RABGAP1: variants seen among roughly 807,000 people sequenced by gnomAD.
RABGAP1 encodes rab GTPase-activating protein 1.
RABGAP1 carries 23 observed loss-of-function variants against 137.6 expected under a neutral mutation model. The ratio of observed to expected loss-of-function variants is 0.17; its 90% CI spans 0.12 to 0.24. The LOEUF (loss-of-function observed/expected upper bound fraction) is 0.24. RABGAP1 is among the 10% of genes least tolerant of loss of function. The pLI is 1.00. For synonymous variants in RABGAP1, 451 were observed against 450.7 expected (o/e 1.00, Z -0.01); for missense variants, 906 against 1,275.8 (o/e 0.71, Z 4.42).
At chr9:123,031,847 C>G (rs1221769693) in intron 13 of RABGAP1, among the ~76,000 whole-genome samples, 3 of 152,192 alleles carry the variant, frequency 2.0e-5, no homozygotes, top group Non-Finnish European at 4.4e-5. Context: ...GTGTGACTAG[C>G]AGGCAAATTG....
At chr9:123,050,939 T>A (rs990024300) in intron 13 of RABGAP1, among the ~76,000 whole-genome samples, 8 of 151,740 alleles carry the variant, frequency 5.3e-5, no homozygotes, top group African/African-American at 1.2e-4. Flanking sequence ...AATAGCAGGG[T>A]TTTTTTTGTT....
chr9:123,084,673 G>T (rs764248757), intron 19 of RABGAP1, among the ~76,000 whole-genome samples: 9 of 152,302 alleles, frequency 5.9e-5, no homozygotes, highest in Admixed American at 2.0e-4. Context: ...TGTGTCTCTT[G>T]ATTCAGGACG....
intron 5 of RABGAP1, 58 bp downstream of exon 5, chr9:122,989,529 T>C (rs1265830831): frequency 1.3e-5 from 19 of 1,505,606 alleles, no homozygotes; most frequent in Non-Finnish European, 1.7e-5. Flanking sequence ...CCTCACTAGG[T>C]TGAAATGATT....
At chr9:123,041,791 A>G (rs2032965088) in intron 13 of RABGAP1, among the ~76,000 whole-genome samples, 2 of 152,222 alleles carry the variant, frequency 1.3e-5, no homozygotes, top group South Asian at 4.1e-4. Flanking sequence ...CACAGTAACT[A>G]CTTGGGAATT....
At chr9:123,062,323 A>G (rs1031357196) in intron 13 of RABGAP1, 6 of 152,220 alleles carry the variant, frequency 3.9e-5, no homozygotes, top group Admixed American at 1.3e-4. Context: ...TGCTTTGACT[A>G]TTTTGAAAAG....
intron 2 of RABGAP1, among the ~76,000 whole-genome samples, chr9:122,962,715 A>G (rs1479358760): frequency 2.6e-5 from 4 of 152,048 alleles, no homozygotes; most frequent in Non-Finnish European, 5.9e-5. Context: ...TAAAGTTGGC[A>G]CTCCTGAATC....
intron 13 of RABGAP1, chr9:123,034,973 CCTAT>C: frequency 6.2e-7 from 1 of 1,613,862 alleles, no homozygotes; most frequent in Non-Finnish European, 8.5e-7. Context: ...AAACCTTTAA[CCTAT>C]AATACTCTGG....
intron 14 of RABGAP1, among the ~76,000 whole-genome samples, chr9:123,069,455 G>T (rs1054850202): frequency 6.6e-6 from 1 of 152,056 alleles, no homozygotes; most frequent in Non-Finnish European, 1.5e-5. Flanking sequence ...ATGCAGTGTG[G>T]GGCTGGGCTT....
At chr9:122,976,809 T>G (rs1477103067) in intron 2 of RABGAP1, among the ~76,000 whole-genome samples, 1 of 152,196 alleles carries the variant, frequency 6.6e-6, no homozygotes, top group Non-Finnish European at 1.5e-5. Flanking sequence ...ATGCTAATAT[T>G]ATGGTAGCCC....
chr9:123,042,001 C>G lies in RABGAP1; in HGVS notation c.1794+21542C>G, dbSNP rs1330609586. On this transcript the variant is annotated intron_variant, in intron 13 of 25. Transcript: ENST00000373647. The stretch of plus-strand genomic sequence containing the variant: ...AGGCAACTGGTTTTCACCATTGCAG[C>G]AGAAGGTGGGAGATTTACTCTTTGG... Among the ~76,000 whole-genome samples, 3 of 152,158 alleles carry G rather than the reference C, an allele frequency of 2.0e-5. No individual in the cohort carries two copies. In the East Asian group the frequency reaches 5.8e-4, roughly 29 times the overall value.
intron 1 of RABGAP1, among the ~76,000 whole-genome samples, chr9:122,944,589 C>G (rs1407236142): frequency 6.6e-6 from 1 of 151,060 alleles, no homozygotes; most frequent in African/African-American, 2.4e-5. Context: ...TGTGGCGGCA[C>G]GATATCAGCT....
In RABGAP1 at chr9:123,104,012, T is replaced by TATAA. The variant is rs2035427662; in HGVS notation, c.*800_*801insTAAA. ...GTGTGTGTGTATGTATATATATATA[T>TATAA]AAATATCTTTCCCAATATGCCCCGT... On this transcript the variant is annotated 3_prime_UTR_variant, in exon 26 of 26. Transcript: ENST00000373647. 1.3e-5 allele frequency: 2 copies of TATAA among 151,520 alleles called. No homozygotes were observed. The highest frequency in any genetic ancestry group is 1.9e-4 in the East Asian group (1 of 5,144). The allele number at this position is 151,520 out of a possible 1,614,324, so 9.4% of individuals were successfully genotyped here. A position where few individuals can be genotyped will look rare whatever the true frequency, so the allele number is the denominator to read the frequency against.
In RABGAP1 at chr9:123,001,934, G is replaced by A. The variant is rs75514795; in HGVS notation, c.1374+3168G>A. ...CAGAACAGCATTGATTATTTAGATG[G>A]AGGGTGAGCCCCGGGAGAAGAACGC... On this transcript the variant is annotated intron_variant, in intron 10 of 25. Transcript: ENST00000373647. Among the ~76,000 whole-genome samples, 1,394 of 152,250 alleles carry A rather than the reference G, an allele frequency of 9.2e-3. 18 individuals carry two copies. The highest frequency in any genetic ancestry group is 0.011 in the Non-Finnish European group (720 of 68,020).
chr9:123,100,383 ATGTGTGTGTGTGTGTGTGTGTGTGTG>A (rs56811028), intron 24 of RABGAP1, among the ~76,000 whole-genome samples: 30 of 136,476 alleles, frequency 2.2e-4, no homozygotes, highest in Non-Finnish European at 3.1e-4. Flanking sequence ...GTTTAACCAG[ATGTGTGTGTGTGTGTGTGTGTGTGTG>A]TGTGTGTGTG....
At chr9:123,029,721 GTC>G in intron 13 of RABGAP1, 1 of 648,326 alleles carries the variant, frequency 1.5e-6, no homozygotes, top group Non-Finnish European at 3.0e-6. Flanking sequence ...ACTTTCCAGT[GTC>G]TGTCTTCTTC....
chr9:123,084,797 A>G (rs976860248), intron 19 of RABGAP1, among the ~76,000 whole-genome samples: 6 of 152,326 alleles, frequency 3.9e-5, no homozygotes, highest in Admixed American at 2.0e-4. Flanking sequence ...GATCTTCATA[A>G]CAGTAGTCTT....
chr9:123,071,225 CT>C (rs1439646136), intron 15 of RABGAP1, among the ~76,000 whole-genome samples: 2 of 152,128 alleles, frequency 1.3e-5, no homozygotes, highest in Non-Finnish European at 2.9e-5. Flanking sequence ...TAGAATCTAG[CT>C]TTTTTTCTAA....
chr9:123,086,149 C>T (rs757803733), intron 19 of RABGAP1, among the ~76,000 whole-genome samples: 43 of 151,912 alleles, frequency 2.8e-4, no homozygotes, highest in Non-Finnish European at 4.9e-4. Flanking sequence ...CCTGACAGGA[C>T]GAGAGTATGA....
In RABGAP1 at chr9:123,070,292, C is replaced by T. The variant is rs2034312604; in HGVS notation, c.1909-58C>T. On this transcript the variant is annotated intron_variant, in intron 14 of 25. Transcript: ENST00000373647. The surrounding 1 kb of genome is among the most constrained non-coding windows in gnomAD (Gnocchi z 4.4). ...CTGTATTCAAGGTCCTATAGTGCCA[C>T]CATGGCCCACAAGTGGCTACATTCA... 1.2e-6 allele frequency: 2 copies of T among 1,609,806 alleles called. No individual in the cohort carries two copies. The highest frequency in any genetic ancestry group is 1.7e-6 in the Non-Finnish European group (2 of 1,178,022).
Sources: allele counts gnomAD v4.1 joint callset (sites outside exome capture counted in the v4.1 genomes callset), GRCh38; gene constraint gnomAD v4.1.1; non-coding constraint Gnocchi (gnomAD v3.1); transcripts MANE v1.5; gene names NCBI Gene and HGNC (gene_info 2026-07-23, HGNC 2026-07-21).